Variants in AP5M1 observed in about 807,000 individuals in gnomAD.
The protein encoded by AP5M1 is adaptor related protein complex 5 subunit mu 1.
In AP5M1, 44 loss-of-function variants were observed where a neutral mutation model predicts 52.3. The ratio of observed to expected loss-of-function variants is 0.84; its 90% CI spans 0.66 to 1.08. The LOEUF (loss-of-function observed/expected upper bound fraction) is 1.08, where lower values mean the gene tolerates loss of function less well. Ranked by LOEUF, AP5M1 falls within the 50% of genes least tolerant of loss-of-function variation. AP5M1 has a pLI of 0.00. For missense variants in AP5M1, 526 were observed against 568.4 expected (o/e 0.93, Z 0.76); for synonymous variants, 213 against 199.0 (o/e 1.07, Z -0.59).
chr14:57,280,500 C>T (rs946610887), intron 3 of AP5M1, 78 bp downstream of exon 3: 1 of 953,150 alleles, frequency 1.0e-6, no homozygotes. Context: ...AATTCATACT[C>T]TTGGTATGAG....
At chr14:57,278,751 T>A (rs1028641947) in intron 2 of AP5M1, 2 of 152,196 alleles carry the variant, frequency 1.3e-5, no homozygotes, top group Admixed American at 1.3e-4. Flanking sequence ...TTTGGAGGTA[T>A]AAGACAGTAT....
intron 7 of AP5M1, among the ~76,000 whole-genome samples, chr14:57,287,156 C>G (rs1885329005): frequency 6.6e-6 from 1 of 151,896 alleles, no homozygotes; most frequent in Non-Finnish European, 1.5e-5. Context: ...CTTAAACAAC[C>G]TTTTTGCCTC....
intron 3 of AP5M1, among the ~76,000 whole-genome samples, chr14:57,281,317 C>T (rs1418721350): frequency 6.6e-6 from 1 of 152,168 alleles, no homozygotes; most frequent in Non-Finnish European, 1.5e-5. Flanking sequence ...CTCGTTTCTA[C>T]TATACCATTT....
rs1332924636 is a variant in AP5M1, at chr14:57,289,000, T to C, written c.*116T>C. 3.3e-6 allele frequency: 2 copies of C among 608,258 alleles called. No individual in the cohort carries two copies. The highest frequency in any genetic ancestry group is 5.6e-6 in the Non-Finnish European group (2 of 357,542). 37.7% of individuals were successfully genotyped at this position (608,258 alleles called of 1,614,324 possible). A position where few individuals can be genotyped will look rare whatever the true frequency, so the allele number is the denominator to read the frequency against. On this transcript the variant is annotated 3_prime_UTR_variant, in exon 8 of 8. Transcript: ENST00000261558. ...AGTGAAAAATCACTGAATGATTTAA[T>C]TGTAAAAGTAGTCTTATGTGGTGTT...
In AP5M1 at chr14:57,288,720, A is replaced by C. The variant is rs1377917475; in HGVS notation, c.1391-82A>C. The C allele has an allele frequency of 4.8e-6, 4 of 827,030 alleles. 1 individual carries two copies. The highest frequency in any genetic ancestry group is 4.1e-6 in the Non-Finnish European group (2 of 489,784). 51.2% of individuals were successfully genotyped at this position (827,030 alleles called of 1,614,324 possible). ...TATTGACTTGAAATAACTGCATTCCACAATTTCAAAAATCATGACTTTGCT... is the reference window on the plus strand; with the variant it reads ...TATTGACTTGAAATAACTGCATTCCCCAATTTCAAAAATCATGACTTTGCT... On this transcript the variant is annotated intron_variant, in intron 7 of 7. Coordinates refer to ENST00000261558, the MANE Select transcript of AP5M1 (RefSeq NM_018229.4).
intron 6 of AP5M1, among the ~76,000 whole-genome samples, chr14:57,285,722 A>C (rs117001330): frequency 6.6e-6 from 1 of 152,168 alleles, no homozygotes; most frequent in Non-Finnish European, 1.5e-5. Flanking sequence ...TAGAAGGTGT[A>C]TACTTTCCTG....
In AP5M1 at chr14:57,269,064, G is replaced by A. The variant is rs1884804374; in HGVS notation, c.-251G>A. 2 of 567,930 alleles carry A rather than the reference G, an allele frequency of 3.5e-6. No homozygotes were observed. The highest frequency in any genetic ancestry group is 6.0e-5 in the East Asian group (2 of 33,568). The allele number at this position is 567,930 out of a possible 1,614,324, so 35.2% of individuals were successfully genotyped here. A position where few individuals can be genotyped will look rare whatever the true frequency, so the allele number is the denominator to read the frequency against. On this transcript the variant is annotated 5_prime_UTR_variant, in exon 1 of 8. Transcript: ENST00000261558. ...AGGAAGAAAATACCGGAGTTGCAGG[G>A]TATAGGTAAATTTCTCAAGGTTATA...
intron 2 of AP5M1, among the ~76,000 whole-genome samples, chr14:57,279,283 T>A (rs2139690251): frequency 6.6e-6 from 1 of 152,290 alleles, no homozygotes; most frequent in Non-Finnish European, 1.5e-5. Context: ...TCAACATAAG[T>A]GCCTATCAGT....
intron 4 of AP5M1, 60 bp downstream of exon 4, chr14:57,282,288 C>T: frequency 7.8e-7 from 1 of 1,284,706 alleles, no homozygotes; most frequent in Non-Finnish European, 1.0e-6. Context: ...TCCACTGTCC[C>T]ACAGTAAATT....
intron 2 of AP5M1, among the ~76,000 whole-genome samples, chr14:57,278,844 A>T (rs1244820432): frequency 6.6e-6 from 1 of 152,168 alleles, no homozygotes; most frequent in Non-Finnish European, 1.5e-5. Flanking sequence ...TAGATGAAGA[A>T]AAACAACCCC....
rs1885145152 is a variant in AP5M1 at position 57,280,434 on chromosome 14, A to G, written c.948+12A>G. On this transcript the variant is annotated intron_variant, in intron 3 of 7. Coordinates refer to ENST00000261558, the MANE Select transcript of AP5M1 (RefSeq NM_018229.4). ...TCTACACTTCCCAGGTAACAACCCT[A>G]GAATAGTTGAGAGTTTGCTGATCTT... The G allele has an allele frequency of 1.3e-6, 2 of 1,522,768 alleles. No individual in the cohort carries two copies. The highest frequency in any genetic ancestry group is 1.8e-6 in the Non-Finnish European group (2 of 1,097,270). The allele number at this position is 1,522,768 out of a possible 1,614,324, so 94.3% of individuals were successfully genotyped here. A position where few individuals can be genotyped will look rare whatever the true frequency, so the allele number is the denominator to read the frequency against.
At chr14:57,288,139 AAGGT>A (rs1885351606) in intron 7 of AP5M1, among the ~76,000 whole-genome samples, 2 of 151,946 alleles carry the variant, frequency 1.3e-5, no homozygotes, top group Non-Finnish European at 2.9e-5. Flanking sequence ...ATGAAGAAGA[AAGGT>A]AGAACAGGCT....
At chr14:57,274,184 T>A (rs1445486705) in intron 1 of AP5M1, 60 bp from the exon 2 acceptor site, 1 of 1,508,446 alleles carries the variant, frequency 6.6e-7, no homozygotes, top group Non-Finnish European at 8.8e-7. Flanking sequence ...TTAAAAAAAT[T>A]CTTTCATCTT....
At chr14:57,273,738 C>T (rs1454959803) in intron 1 of AP5M1, 1 of 701,906 alleles carries the variant, frequency 1.4e-6, no homozygotes, top group African/African-American at 1.7e-5. Flanking sequence ...GGGTACCTGT[C>T]ATTCACTATA....
Position 57,274,806 on chromosome 14 carries a change from A to G in AP5M1, c.637A>G (p.Ile213Val), listed in dbSNP as rs759170541. The change falls in exon 2 of 8, where the codon ATC (isoleucine) becomes GTC (valine). Residue 213 changes from isoleucine (I) to valine (V), a missense_variant. Transcript: ENST00000261558. Reference sequence around the variant, plus strand: ...AGGAAAACCACAAGTTTCTATTTCTATCACTGAAAAGGTAAAATCCATGCA... The same window carrying G: ...AGGAAAACCACAAGTTTCTATTTCTGTCACTGAAAAGGTAAAATCCATGCA... ...YKGKPQVSIS[I>V]TEKVKSMQYD... 7 of 1,614,218 alleles carry G rather than the reference A, an allele frequency of 4.3e-6. No individual in the cohort carries two copies. Among genetic ancestry groups the G allele is most frequent in the African/African-American group, 2.7e-5 (2 of 75,054 alleles).
chr14:57,285,703 A>G (rs1400456773), intron 6 of AP5M1, among the ~76,000 whole-genome samples: 1 of 152,206 alleles, frequency 6.6e-6, no homozygotes, highest in African/African-American at 2.4e-5. Flanking sequence ...TAATTAAATT[A>G]TATTTTATTA....
At chr14:57,275,093 C>T (rs1390148835) in intron 2 of AP5M1, 1 of 604,112 alleles carries the variant, frequency 1.7e-6, no homozygotes, top group Non-Finnish European at 2.9e-6. Context: ...AAAGAATTGT[C>T]TCATTGTCCC....
In AP5M1 at chr14:57,293,557, A is replaced by T. The variant is rs1885484409; in HGVS notation, c.*4673A>T. On this transcript the variant is annotated 3_prime_UTR_variant, in exon 8 of 8. Coordinates refer to ENST00000261558, the MANE Select transcript of AP5M1 (RefSeq NM_018229.4). ...TTCCTAAACCACAGCAGAATTGCGG[A>T]TCAGGAAAAATACAAGATAACGGCA... The T allele has an allele frequency of 6.6e-6, 1 of 151,750 alleles. No homozygotes were observed. Among genetic ancestry groups the T allele is most frequent in the African/African-American group, 2.4e-5 (1 of 41,392 alleles). 9.4% of individuals were successfully genotyped at this position (151,750 alleles called of 1,614,324 possible).
intron 6 of AP5M1, 122 bp downstream of exon 6, chr14:57,283,352 A>G (rs555918702): frequency 1.5e-4 from 99 of 661,500 alleles, no homozygotes; most frequent in Admixed American, 1.1e-3. Context: ...TTAGTCTGGG[A>G]TAAGTTCTCT....
Sources: allele counts gnomAD v4.1 joint callset (sites outside exome capture counted in the v4.1 genomes callset), GRCh38; gene constraint gnomAD v4.1.1; transcripts MANE v1.5; gene names NCBI Gene and HGNC (gene_info 2026-07-23, HGNC 2026-07-21).